FILIP1L: variants seen among roughly 807,000 people sequenced by gnomAD.
The protein encoded by FILIP1L is filamin A-interacting protein 1-like.
Under a neutral mutation model 96.6 loss-of-function variants are expected in FILIP1L, and 55 were observed. The ratio of observed to expected loss-of-function variants is 0.57; its 90% CI spans 0.46 to 0.71. FILIP1L has a LOEUF of 0.71. Ranked by LOEUF, FILIP1L falls within the 30% of genes least tolerant of loss-of-function variation. FILIP1L has a pLI of 0.00. For synonymous variants in FILIP1L, 467 were observed against 473.9 expected, an observed-to-expected ratio of 0.99 and a Z score of 0.19; for missense variants, 1,304 against 1,321.2, an observed-to-expected ratio of 0.99 and a Z score of 0.20.
chr3:99,988,341 C>CAAAAAAAAAAA (rs63321762), intron 1 of FILIP1L, among the ~76,000 whole-genome samples: 4 of 62,292 alleles, frequency 6.4e-5, no homozygotes, highest in Non-Finnish European at 1.0e-4. Flanking sequence ...ACTAAAAATC[C>CAAAAAAAAAAA]AAAAAAAAAA....
chr3:99,842,938 G>T (rs992692759), intron 5 of FILIP1L, among the ~76,000 whole-genome samples: 1 of 152,170 alleles, frequency 6.6e-6, no homozygotes, highest in African/African-American at 2.4e-5. Context: ...TGCCTTTGGG[G>T]GATGGCTGCT....
At chr3:99,914,164 T>C (rs918107484) in intron 4 of FILIP1L, among the ~76,000 whole-genome samples, 4 of 152,236 alleles carry the variant, frequency 2.6e-5, no homozygotes, top group African/African-American at 9.6e-5. Context: ...TGTTGTGAGC[T>C]GTTGCCAAAT....
At chr3:99,844,728 C>A (rs1943285943) in intron 5 of FILIP1L, among the ~76,000 whole-genome samples, 1 of 152,142 alleles carries the variant, frequency 6.6e-6, no homozygotes, top group African/African-American at 2.4e-5. Context: ...GTGTCCTCAC[C>A]CAAATCTCCT....
rs184831788 is a variant in FILIP1L, at chr3:99,950,475, A to G, written c.-10-19445T>C. 5.3e-5 allele frequency among the ~76,000 whole-genome samples: 8 copies of G among 152,214 alleles called. No individual in the cohort carries two copies. The East Asian group carries it at 9.6e-4, about 18-fold the overall frequency. ...ATGATGCACATGTCCTATTCCTGAG[A>G]TTTTTTCACTTCTTTATATTATCTT... On this transcript the variant is annotated intron_variant, in intron 1 of 5. Transcript: ENST00000477258.
chr3:100,028,934 T>A (rs868149172), intron 1 of FILIP1L, among the ~76,000 whole-genome samples: 3 of 152,270 alleles, frequency 2.0e-5, no homozygotes, highest in Middle Eastern at 3.4e-3. Flanking sequence ...CATAAACATA[T>A]ACATATATAT....
At chr3:99,915,284 T>A (rs1289154053) in intron 4 of FILIP1L, among the ~76,000 whole-genome samples, 1 of 152,174 alleles carries the variant, frequency 6.6e-6, no homozygotes, top group Non-Finnish European at 1.5e-5. Flanking sequence ...TACATTTCAT[T>A]CACTCATTCA....
rs140048231 is a variant in FILIP1L, at chr3:99,914,400, G to C, written c.605+9830C>G. Among the ~76,000 whole-genome samples the C allele has an allele frequency of 4.6e-3, 696 of 152,272 alleles. 2 individuals carry two copies. The highest frequency in any genetic ancestry group is 7.1e-3 in the South Asian group (34 of 4,822). ...GGTGAAAATACTCTTTCAATAAAATGTTATAATCTTTAAGTGTGTTTTTGA... is the reference window on the plus strand; with the variant it reads ...GGTGAAAATACTCTTTCAATAAAATCTTATAATCTTTAAGTGTGTTTTTGA... On this transcript the variant is annotated intron_variant, in intron 4 of 5. Coordinates refer to ENST00000477258, the MANE Select transcript of FILIP1L (RefSeq NM_001387850.1).
chr3:100,083,810 A>G (rs1479540374), intron 1 of FILIP1L, among the ~76,000 whole-genome samples: 1 of 152,138 alleles, frequency 6.6e-6, no homozygotes, highest in East Asian at 1.9e-4. Flanking sequence ...TCTGGGCTCA[A>G]GCAGTCCTCC....
At chr3:99,930,356 G>A (rs1707438248) in intron 2 of FILIP1L, among the ~76,000 whole-genome samples, 1 of 152,124 alleles carries the variant, frequency 6.6e-6, no homozygotes, top group African/African-American at 2.4e-5. Context: ...TCTCCTATAT[G>A]TGTACCAGCT....
chr3:100,067,918 A>G (rs532090310), intron 1 of FILIP1L, among the ~76,000 whole-genome samples: 1 of 152,212 alleles, frequency 6.6e-6, no homozygotes, highest in Middle Eastern at 3.4e-3. Context: ...AGCTTTCCCT[A>G]CCCTACCACC....
chr3:99,936,999 G>A (rs547002976), intron 1 of FILIP1L, among the ~76,000 whole-genome samples: 8 of 151,976 alleles, frequency 5.3e-5, no homozygotes, highest in Admixed American at 2.0e-4. Flanking sequence ...GTGCAGTGGC[G>A]TGATCTCGGG....
chr3:100,108,555 G>A (rs893537713), intron 1 of FILIP1L, among the ~76,000 whole-genome samples: 1 of 152,102 alleles, frequency 6.6e-6, no homozygotes, highest in Non-Finnish European at 1.5e-5. Flanking sequence ...GTACATTCTG[G>A]TTTTGACTCT....
At chr3:99,963,240 T>A (rs1461669670) in intron 1 of FILIP1L, among the ~76,000 whole-genome samples, 1 of 152,242 alleles carries the variant, frequency 6.6e-6, no homozygotes, top group Non-Finnish European at 1.5e-5. Flanking sequence ...GAATAGTGTG[T>A]GGTTTTCCAC....
chr3:99,915,928 C>G (rs1300618852), intron 4 of FILIP1L, among the ~76,000 whole-genome samples: 1 of 152,184 alleles, frequency 6.6e-6, no homozygotes, highest in East Asian at 1.9e-4. Flanking sequence ...GCTTTCTTGG[C>G]AACTCAAAAA....
rs1472708595 is a variant in FILIP1L at position 99,856,074 on chromosome 3, G to A, written c.606-5004C>T. Reference sequence around the variant, plus strand: ...ACTGCTCCATCCATTGTTTGGTTCTGAACCTGTTGCTGCTGCTGCTCTTGC... The same window carrying A: ...ACTGCTCCATCCATTGTTTGGTTCTAAACCTGTTGCTGCTGCTGCTCTTGC... On this transcript the variant is annotated intron_variant, in intron 4 of 5. Transcript: ENST00000477258. Among the ~76,000 whole-genome samples, 3 of 152,156 alleles carry A rather than the reference G, an allele frequency of 2.0e-5. No individual in the cohort carries two copies. The East Asian group carries it at 5.8e-4, about 29-fold the overall frequency.
chr3:100,070,135 A>G (rs1393988916), intron 1 of FILIP1L, among the ~76,000 whole-genome samples: 2 of 152,202 alleles, frequency 1.3e-5, no homozygotes, highest in South Asian at 4.1e-4. Flanking sequence ...AACAGCTAAC[A>G]TGAAGTGCTC....
chr3:99,994,829 A>G (rs7628458), intron 1 of FILIP1L, among the ~76,000 whole-genome samples: 1,831 of 152,044 alleles, frequency 0.012, 22 homozygotes, highest in African/African-American at 0.027. Flanking sequence ...ATCAGATCTC[A>G]TGAGACTTAT....
chr3:100,025,065 A>C (rs2064893774), intron 1 of FILIP1L, among the ~76,000 whole-genome samples: 1 of 152,164 alleles, frequency 6.6e-6, no homozygotes, highest in South Asian at 2.1e-4. Context: ...TTTTCTTTGA[A>C]TTCTTCCTGA....
At chr3:99,905,565 C>T (rs1706587796) in intron 4 of FILIP1L, among the ~76,000 whole-genome samples, 1 of 152,138 alleles carries the variant, frequency 6.6e-6, no homozygotes, top group Non-Finnish European at 1.5e-5. Flanking sequence ...TTTATTTTTA[C>T]TAAATGTGCA....
Sources: gnomAD v4.1 joint callset for allele counts (sites outside exome capture counted in the v4.1 genomes callset) on GRCh38, gnomAD v4.1.1 for gene constraint, MANE v1.5 for transcripts, NCBI Gene and HGNC (gene_info 2026-07-23, HGNC 2026-07-21) for gene names.